VPS13B: variants seen among roughly 807,000 people sequenced by gnomAD.
The protein encoded by VPS13B is vacuolar protein sorting 13 homolog B, also known as intermembrane lipid transfer protein VPS13B.
In VPS13B, 285 loss-of-function variants were observed where a neutral mutation model predicts 426.4. The ratio of observed to expected loss-of-function variants is 0.67; its 90% CI spans 0.61 to 0.74. The LOEUF (loss-of-function observed/expected upper bound fraction) is 0.74, where lower values mean the gene tolerates loss of function less well. Among genes scored for constraint, VPS13B ranks in the 30% least tolerant of loss-of-function variants. The pLI is 0.00. For synonymous variants in VPS13B, 1,676 were observed against 1,676.4 expected, an observed-to-expected ratio of 1.00 and a Z score of 0.01; for missense variants, 4,537 against 4,782.6, an observed-to-expected ratio of 0.95 and a Z score of 1.51.
chr8:99,397,378 C>A lies in VPS13B; in HGVS notation c.3082+5674C>A, dbSNP rs561889721. Among the ~76,000 whole-genome samples the A allele has an allele frequency of 9.9e-5, 15 of 152,232 alleles. No individual in the cohort carries two copies. The East Asian group carries it at 2.9e-3, about 29-fold the overall frequency. On this transcript the variant is annotated intron_variant, in intron 21 of 61. Coordinates refer to ENST00000357162, the MANE Select transcript of VPS13B (RefSeq NM_152564.5). ...CAGGATGGTCTCGATCTCTTGACCT[C>A]GTGATCTGCCCGCCTCGGCGTTCCA...
chr8:99,682,013 A>G lies in VPS13B; in HGVS notation c.6047-17512A>G, dbSNP rs553843174. On this transcript the variant is annotated intron_variant, in intron 35 of 61. Transcript: ENST00000357162. The stretch of plus-strand genomic sequence containing the variant: ...CAAATTCACAAAACAAAATAAATCT[A>G]TAAAAGATTTAAATAATTAAACTTT... Among the ~76,000 whole-genome samples, 13 of 152,338 alleles carry G rather than the reference A, an allele frequency of 8.5e-5. No homozygotes were observed. The East Asian group carries it at 1.9e-3, about 23-fold the overall frequency.
At chr8:99,557,754 T>C (rs1305600490) in intron 31 of VPS13B, among the ~76,000 whole-genome samples, 1 of 152,202 alleles carries the variant, frequency 6.6e-6, no homozygotes, top group Non-Finnish European at 1.5e-5. Context: ...CCTGAATGTG[T>C]ACTCTTAACG....
intron 35 of VPS13B, among the ~76,000 whole-genome samples, chr8:99,677,550 T>A (rs144887876): frequency 7.2e-5 from 11 of 152,210 alleles, no homozygotes; most frequent in Non-Finnish European, 1.0e-4. Context: ...CAACTATAAC[T>A]TTTATTTTAG....
At chr8:99,033,532 T>C (rs1198864329) in intron 2 of VPS13B, among the ~76,000 whole-genome samples, 1 of 152,226 alleles carries the variant, frequency 6.6e-6, no homozygotes, top group Non-Finnish European at 1.5e-5. Flanking sequence ...TTTCATTTTT[T>C]TTGTAATTTG....
chr8:99,250,365 T>C (rs1422020143), intron 17 of VPS13B, among the ~76,000 whole-genome samples: 1 of 152,150 alleles, frequency 6.6e-6, no homozygotes, highest in Non-Finnish European at 1.5e-5. Flanking sequence ...GTTTATAATT[T>C]TGATGAGGCC....
intron 3 of VPS13B, among the ~76,000 whole-genome samples, chr8:99,094,416 C>A (rs1224197730): frequency 6.6e-6 from 1 of 152,104 alleles, no homozygotes; most frequent in African/African-American, 2.4e-5. Context: ...ACTGTAACAT[C>A]CCCCAAATAA....
chr8:99,497,165 ATATT>A (rs1228384735), intron 25 of VPS13B, among the ~76,000 whole-genome samples: 2 of 139,782 alleles, frequency 1.4e-5, no homozygotes, highest in Non-Finnish European at 3.1e-5. Context: ...ATATAAAAAT[ATATT>A]TATATATTTA....
intron 3 of VPS13B, among the ~76,000 whole-genome samples, chr8:99,045,620 CT>C (rs1843200673): frequency 6.6e-6 from 1 of 152,130 alleles, no homozygotes; most frequent in African/African-American, 2.4e-5. Context: ...AAATCCTCGC[CT>C]AAGCCAATGT....
At chr8:99,047,648 T>C (rs1843302486) in intron 3 of VPS13B, among the ~76,000 whole-genome samples, 1 of 152,094 alleles carries the variant, frequency 6.6e-6, no homozygotes, top group Admixed American at 6.6e-5. Flanking sequence ...TCAGACTTTT[T>C]GAGGTAGGCA....
chr8:99,402,645 G>C (rs887054432), intron 21 of VPS13B, among the ~76,000 whole-genome samples: 2 of 151,890 alleles, frequency 1.3e-5, no homozygotes, highest in African/African-American at 4.8e-5. Flanking sequence ...CTTCTGATCA[G>C]AGGAGTAAAA....
chr8:99,852,139 A>G (rs749298451), intron 55 of VPS13B, among the ~76,000 whole-genome samples: 3 of 152,206 alleles, frequency 2.0e-5, no homozygotes, highest in Non-Finnish European at 2.9e-5. Flanking sequence ...GGTCTGAGCA[A>G]CTGGTAGGAT....
At chr8:99,795,070 CA>C (rs1812738370) in intron 43 of VPS13B, among the ~76,000 whole-genome samples, 1 of 152,276 alleles carries the variant, frequency 6.6e-6, no homozygotes, top group East Asian at 1.9e-4. Context: ...TAGGAACTTT[CA>C]AAATAGCAAA....
intron 31 of VPS13B, among the ~76,000 whole-genome samples, chr8:99,560,653 C>A (rs946639413): frequency 6.6e-6 from 1 of 152,054 alleles, no homozygotes; most frequent in African/African-American, 2.4e-5. Flanking sequence ...GAGAGGAATG[C>A]AATAATGGAG....
intron 30 of VPS13B, among the ~76,000 whole-genome samples, chr8:99,525,271 CAGG>C (rs1822585492): frequency 6.6e-6 from 1 of 152,000 alleles, no homozygotes; most frequent in Non-Finnish European, 1.5e-5. Context: ...AGTTAAAAAG[CAGG>C]AGGAGAAAGT....
chr8:99,822,039 A>G (rs1814400009), intron 50 of VPS13B, among the ~76,000 whole-genome samples: 1 of 152,240 alleles, frequency 6.6e-6, no homozygotes, highest in South Asian at 2.1e-4. Context: ...TATAAATGGT[A>G]TGTGCTTTTC....
At chr8:99,037,634 A>G (rs1340178306) in intron 2 of VPS13B, among the ~76,000 whole-genome samples, 1 of 152,142 alleles carries the variant, frequency 6.6e-6, no homozygotes, top group Non-Finnish European at 1.5e-5. Flanking sequence ...TAAAAATGTG[A>G]TAGAAATACA....
At position 99,292,715 on chromosome 8, in the gene VPS13B, A is replaced by C. The variant is rs574904709; in HGVS notation, c.2824+17461A>C. On this transcript the variant is annotated intron_variant, in intron 19 of 61. Transcript: ENST00000357162. The stretch of plus-strand genomic sequence containing the variant: ...ATTTAGATATCATAAAAAATAATTT[A>C]TCCACCTTAAATGGAATCTAAAAGG... Among the ~76,000 whole-genome samples the C allele has an allele frequency of 5.3e-5, 8 of 152,220 alleles. No homozygotes were observed. In the South Asian group the frequency reaches 1.7e-3, roughly 32 times the overall value.
intron 17 of VPS13B, among the ~76,000 whole-genome samples, chr8:99,197,398 A>G (rs1814003287): frequency 6.6e-6 from 1 of 152,176 alleles, no homozygotes; most frequent in South Asian, 2.1e-4. Context: ...GATCAATATT[A>G]GTTGTTCTGG....
At chr8:99,545,812 G>T (rs950893873) in intron 30 of VPS13B, among the ~76,000 whole-genome samples, 3 of 152,046 alleles carry the variant, frequency 2.0e-5, no homozygotes, top group African/African-American at 7.2e-5. Context: ...ATGGTACCTA[G>T]TATGATTAGA....
Sources: gnomAD v4.1 joint callset for allele counts (sites outside exome capture counted in the v4.1 genomes callset) on GRCh38, gnomAD v4.1.1 for gene constraint, MANE v1.5 for transcripts, NCBI Gene and HGNC (gene_info 2026-07-23, HGNC 2026-07-21) for gene names.